GSN: variants seen among roughly 807,000 people sequenced by gnomAD.
GSN encodes the protein actin-depolymerizing factor.
GSN carries 56 observed loss-of-function variants against 85.7 expected under a neutral mutation model. That is an observed-to-expected ratio of 0.65 (90% CI 0.53 to 0.82). GSN has a LOEUF of 0.82. Among genes scored for constraint, GSN ranks in the 40% least tolerant of loss-of-function variants. GSN has a pLI of 0.00. For synonymous variants in GSN, 373 were observed against 399.1 expected (o/e 0.93, Z 0.78); for missense variants, 857 against 979.8 (o/e 0.87, Z 1.67).
chr9:121,282,931 A>G (rs1405754196), intron 2 of GSN: 8 of 183,056 alleles, frequency 4.4e-5, no homozygotes. Context: ...TTGCTTATTC[A>G]TCCCTCTTTA....
At chr9:121,330,139 G>C (rs140969497) in intron 16 of GSN, among the ~76,000 whole-genome samples, 1 of 152,340 alleles carries the variant, frequency 6.6e-6, no homozygotes, top group East Asian at 1.9e-4. Context: ...TTGTTCATCT[G>C]TTAGGGATTC....
At chr9:121,219,009 G>T (rs1443530584) in intron 4 of GSN, among the ~76,000 whole-genome samples, 1 of 152,158 alleles carries the variant, frequency 6.6e-6, no homozygotes, top group African/African-American at 2.4e-5. Context: ...TACCAGTTTT[G>T]TCCAAGCATC....
chr9:121,278,923 C>T (rs963298386), intron 1 of GSN, among the ~76,000 whole-genome samples: 7 of 152,308 alleles, frequency 4.6e-5, no homozygotes, highest in Middle Eastern at 3.4e-3. Flanking sequence ...CACTCTTTGC[C>T]GGCTCTGTGA....
chr9:121,313,814 G>A (rs1381324940), intron 6 of GSN, 120 bp from the exon 7 acceptor site: 10 of 809,332 alleles, frequency 1.2e-5, no homozygotes, highest in Non-Finnish European at 1.3e-5. Context: ...GAGGAGGTCA[G>A]ACTCCATGGG....
chr9:121,292,577 C>T (rs1056171749), intron 2 of GSN, among the ~76,000 whole-genome samples: 2 of 152,196 alleles, frequency 1.3e-5, no homozygotes, highest in African/African-American at 2.4e-5. Context: ...CTACCAGACA[C>T]CCCACCAGGT....
Position 121,329,013 on chromosome 9 carries a change from G to C in GSN, c.1885G>C (p.Val629Leu). ...CTGCTCCAACAAGATTGGACGTTTT[G>C]TGGTGAGCCCCTGCGGAGGTCACAC... Reference protein sequence around the residue: ...FACSNKIGRFVIEEVPGELMQ... With the variant: ...FACSNKIGRFLIEEVPGELMQ... The change falls in exon 15 of 18, where the codon GTG becomes CTG. Residue 629 changes from valine (V) to leucine (L), a missense_variant and splice_region_variant. By Grantham distance (32) the Val-to-Leu change is conservative (BLOSUM62 1). Coordinates refer to ENST00000432226, the MANE Select transcript of GSN (RefSeq NM_198252.3). This position sits in a 1 kb window ranked among gnomAD's most constrained non-coding sequence, Gnocchi z 4.6. The C allele has an allele frequency of 6.2e-7, 1 of 1,613,718 alleles. No individual in the cohort carries two copies. Among genetic ancestry groups the C allele is most frequent in the Non-Finnish European group, 8.5e-7 (1 of 1,180,022 alleles).
intron 6 of GSN, 85 bp downstream of exon 6, chr9:121,312,573 T>C: frequency 9.2e-7 from 1 of 1,090,380 alleles, no homozygotes; most frequent in Non-Finnish European, 1.3e-6. Flanking sequence ...TGAGGTGAAT[T>C]TGAGGAAAAA....
chr9:121,324,205 C>T (rs374586945), intron 11 of GSN, among the ~76,000 whole-genome samples: 8 of 152,196 alleles, frequency 5.3e-5, no homozygotes, highest in African/African-American at 1.7e-4. Context: ...CCTGCTTTTC[C>T]GCCCAGAGAA....
chr9:121,204,955 G>C (rs1335879202), upstream of GSN, among the ~76,000 whole-genome samples: 1 of 152,238 alleles, frequency 6.6e-6, no homozygotes, highest in Non-Finnish European at 1.5e-5. Flanking sequence ...TAGACATTGA[G>C]AGGGGTTTAT....
At chr9:121,221,328 T>A (rs1156271052) in intron 4 of GSN, among the ~76,000 whole-genome samples, 1 of 152,246 alleles carries the variant, frequency 6.6e-6, no homozygotes, top group Non-Finnish European at 1.5e-5. Context: ...AATGGCAGCC[T>A]GCTTTGCAAG....
intron 5 of GSN, among the ~76,000 whole-genome samples, chr9:121,246,618 C>T (rs1000959842): frequency 1.3e-5 from 2 of 152,124 alleles, no homozygotes; most frequent in Non-Finnish European, 2.9e-5. Flanking sequence ...TCATGAAGAA[C>T]ATAGTTCACA....
At chr9:121,282,356 C>T in intron 2 of GSN, 1 of 637,012 alleles carries the variant, frequency 1.6e-6, no homozygotes, top group Non-Finnish European at 2.5e-6. Context: ...AACACCCAAA[C>T]AGAAGTGAAT....
intron 4 of GSN, among the ~76,000 whole-genome samples, chr9:121,211,114 A>C (rs1327088995): frequency 6.6e-6 from 1 of 152,248 alleles, no homozygotes; most frequent in Non-Finnish European, 1.5e-5. Context: ...TATGAAGTAC[A>C]TAGAATAGTC....
chr9:121,313,735 A>G, intron 6 of GSN, 199 bp from the exon 7 acceptor site: 1 of 621,862 alleles, frequency 1.6e-6, no homozygotes. Context: ...TTTCTGAGTC[A>G]GGGAGACAAG....
At chr9:121,251,187 CTTT>C (rs58231680) in intron 6 of GSN, among the ~76,000 whole-genome samples, 1 of 73,044 alleles carries the variant, frequency 1.4e-5, no homozygotes, top group South Asian at 5.2e-4. Context: ...CTGATGTGTT[CTTT>C]TTTTTTTTTT....
At chr9:121,204,612 T>C (rs1057331407), upstream of GSN, among the ~76,000 whole-genome samples, 2 of 152,216 alleles carry the variant, frequency 1.3e-5, no homozygotes, top group African/African-American at 2.4e-5. Flanking sequence ...CAAACATCCA[T>C]TGGGGTTTCT....
chr9:121,258,747 A>G (rs10739593), intron 6 of GSN, among the ~76,000 whole-genome samples: 72,400 of 151,796 alleles, frequency 0.48, 18,320 homozygotes, highest in East Asian at 0.75. Flanking sequence ...TCCCAGCAGC[A>G]TAAGTGAGCA....
intron 2 of GSN, among the ~76,000 whole-genome samples, chr9:121,293,322 T>C (rs2058874519): frequency 1.3e-5 from 2 of 152,168 alleles, no homozygotes; most frequent in Admixed American, 6.5e-5. Flanking sequence ...CCGATTTTCC[T>C]GTCACCTATG....
At position 121,250,139 on chromosome 9, in the gene GSN, A is replaced by G. The variant is rs1023295043; in HGVS notation, c.-341+1816A>G. ...ACAGATGCTGTTACAAAACTCACAC[A>G]CCAATGACTATATCTTCTGGAAGTA... On this transcript the variant is annotated intron_variant, in intron 6 of 24. Transcript: ENST00000373823. Among the ~76,000 whole-genome samples, 3 of 150,284 alleles carry G rather than the reference A, an allele frequency of 2.0e-5. No individual in the cohort carries two copies. The South Asian group carries it at 6.3e-4, about 32-fold the overall frequency.
Sources: gnomAD v4.1 joint callset for allele counts (sites outside exome capture counted in the v4.1 genomes callset) on GRCh38, gnomAD v4.1.1 for gene constraint, Gnocchi (gnomAD v3.1) non-coding constraint, MANE v1.5 for transcripts, NCBI Gene and HGNC (gene_info 2026-07-23, HGNC 2026-07-21) for gene names.